The following TMEM178B variants were observed in gnomAD, a reference collection of about 807,000 sequenced individuals.
The protein encoded by TMEM178B is transmembrane protein 178B.
In TMEM178B, 5 loss-of-function variants were observed where a neutral mutation model predicts 31.0. The observed-to-expected ratio is 0.16, with a 90% confidence interval of 0.08 to 0.34. TMEM178B has a LOEUF of 0.34. TMEM178B is among the 10% of genes least tolerant of loss of function. The pLI, the probability that TMEM178B is intolerant of heterozygous loss-of-function variation, is 1.00. For missense variants in TMEM178B, 275 were observed against 400.3 expected (o/e 0.69, Z 2.67); for synonymous variants, 164 against 164.0 (o/e 1.00, Z 0.00).
rs927611474 is a variant in TMEM178B at position 141,257,417 on chromosome 7, C to A, written c.496+44713C>A. ...TGTTGACACAAAAAATCTGTAGGAT[C>A]TATGTTTCTGAATACTCAAATTCAA... On this transcript the variant is annotated intron_variant, in intron 2 of 3. Transcript: ENST00000565468. 3.3e-5 allele frequency among the ~76,000 whole-genome samples: 5 copies of A among 152,194 alleles called. No homozygotes were observed. The East Asian group carries it at 9.6e-4, about 29-fold the overall frequency.
Position 141,476,827 on chromosome 7 carries a change from C to T in TMEM178B, c.*6041C>T, listed in dbSNP as rs1297861830. On this transcript the variant is annotated 3_prime_UTR_variant, in exon 4 of 4. Transcript: ENST00000565468. ...CTTCAAGGGAAGGGAAGCCATTGCT[C>T]TCTCTGTAGATAGAGCCCAGCTGGT... The T allele has an allele frequency of 6.5e-6, 1 of 154,812 alleles. No homozygotes were observed. Among genetic ancestry groups the T allele is most frequent in the Non-Finnish European group, 1.5e-5 (1 of 68,236 alleles). 9.6% of individuals were successfully genotyped at this position (154,812 alleles called of 1,614,324 possible). A position where few individuals can be genotyped will look rare whatever the true frequency, so the allele number is the denominator to read the frequency against.
At chr7:141,316,347 T>C (rs2116466179) in intron 2 of TMEM178B, among the ~76,000 whole-genome samples, 1 of 152,340 alleles carries the variant, frequency 6.6e-6, no homozygotes, top group African/African-American at 2.4e-5. Flanking sequence ...TTCCGTTGTA[T>C]TAACTCACAG....
chr7:141,444,298 C>A (rs905317562), intron 3 of TMEM178B, among the ~76,000 whole-genome samples: 1 of 152,104 alleles, frequency 6.6e-6, no homozygotes, highest in African/African-American at 2.4e-5. Flanking sequence ...TAAGGTATCA[C>A]TAATGTCGGG....
At chr7:141,218,195 G>A (rs1303498575) in intron 2 of TMEM178B, among the ~76,000 whole-genome samples, 1 of 152,088 alleles carries the variant, frequency 6.6e-6, no homozygotes, top group Non-Finnish European at 1.5e-5. Context: ...ACAGCATTGG[G>A]GGTCCTCGCC....
Position 141,264,147 on chromosome 7 carries a change from A to G in TMEM178B, c.496+51443A>G, listed in dbSNP as rs9691927. Among the ~76,000 whole-genome samples, 839 of 152,242 alleles carry G rather than the reference A, an allele frequency of 5.5e-3. 10 individuals are homozygous for G. The highest frequency in any genetic ancestry group is 0.019 in the African/African-American group (791 of 41,524). ...AGGGTTCATTCCAGTCTCCAGTCCAATCTTCAGCTGGAGGTTGAGCTGACT... is the reference window on the plus strand; with the variant it reads ...AGGGTTCATTCCAGTCTCCAGTCCAGTCTTCAGCTGGAGGTTGAGCTGACT... On this transcript the variant is annotated intron_variant, in intron 2 of 3. Coordinates refer to ENST00000565468, the MANE Select transcript of TMEM178B (RefSeq NM_001195278.2).
intron 3 of TMEM178B, among the ~76,000 whole-genome samples, chr7:141,468,097 T>C (rs1802177424): frequency 1.3e-5 from 2 of 152,236 alleles, no homozygotes; most frequent in African/African-American, 4.8e-5. Flanking sequence ...TTTTCACATG[T>C]ACAATCCATT....
the TMEM178B span, among the ~76,000 whole-genome samples, chr7:141,506,752 C>G: frequency 1.3e-5 from 2 of 152,154 alleles, no homozygotes; most frequent in African/African-American, 4.8e-5. Flanking sequence ...TCAGCATTAA[C>G]CCAAAAGTCC....
chr7:141,220,085 C>T (rs1265603250), intron 2 of TMEM178B, among the ~76,000 whole-genome samples: 5 of 151,964 alleles, frequency 3.3e-5, no homozygotes, highest in Admixed American at 6.6e-5. Flanking sequence ...TTTGGGAGGC[C>T]GAGACAGCTG....
At chr7:141,233,829 C>G (rs1020137637) in intron 2 of TMEM178B, among the ~76,000 whole-genome samples, 11 of 152,214 alleles carry the variant, frequency 7.2e-5, no homozygotes, top group Non-Finnish European at 8.8e-5. Context: ...GTCCCTATCA[C>G]ATGAAATATT....
the TMEM178B span, among the ~76,000 whole-genome samples, chr7:141,510,414 G>A: frequency 3.9e-5 from 6 of 152,142 alleles, no homozygotes; most frequent in Non-Finnish European, 7.4e-5. Context: ...GGCCGGGCGC[G>A]GTGGCTCATG....
At chr7:141,089,667 A>G (rs1794846990) in intron 1 of TMEM178B, among the ~76,000 whole-genome samples, 1 of 152,240 alleles carries the variant, frequency 6.6e-6, no homozygotes, top group Non-Finnish European at 1.5e-5. Flanking sequence ...ACACCATGGA[A>G]TACTATGCAG....
At chr7:141,328,993 C>A (rs1799246781) in intron 2 of TMEM178B, among the ~76,000 whole-genome samples, 2 of 152,074 alleles carry the variant, frequency 1.3e-5, no homozygotes, top group African/African-American at 4.8e-5. Context: ...TCCTGATTGG[C>A]CTTCTTTATA....
chr7:141,355,583 G>A (rs544827501), intron 2 of TMEM178B, among the ~76,000 whole-genome samples: 2 of 152,326 alleles, frequency 1.3e-5, no homozygotes, highest in Admixed American at 6.5e-5. Context: ...CAATGCAGAT[G>A]GGCATTCAAC....
At chr7:141,245,519 G>C (rs564230018) in intron 2 of TMEM178B, among the ~76,000 whole-genome samples, 56 of 152,300 alleles carry the variant, frequency 3.7e-4, no homozygotes, top group Non-Finnish European at 7.2e-4. Flanking sequence ...AAAAGTCTCC[G>C]ATAGTCTGTT....
the TMEM178B span, among the ~76,000 whole-genome samples, chr7:141,508,927 ACAATGG>A: frequency 6.6e-6 from 1 of 152,216 alleles, no homozygotes; most frequent in African/African-American, 2.4e-5. Context: ...CTTCCGTGGG[ACAATGG>A]CAAGTGATGG....
intron 1 of TMEM178B, among the ~76,000 whole-genome samples, chr7:141,200,297 T>C (rs1444736441): frequency 6.6e-6 from 1 of 152,102 alleles, no homozygotes; most frequent in Non-Finnish European, 1.5e-5. Flanking sequence ...TTAAGGGAGC[T>C]GTGGAATGCA....
At chr7:141,423,689 T>G (rs1801257393) in intron 2 of TMEM178B, among the ~76,000 whole-genome samples, 2 of 152,222 alleles carry the variant, frequency 1.3e-5, no homozygotes, top group African/African-American at 4.8e-5. Flanking sequence ...AGTATTTGTT[T>G]GTTTGTTCTT....
chr7:141,458,454 C>A (rs1802004929), intron 3 of TMEM178B, among the ~76,000 whole-genome samples: 1 of 152,142 alleles, frequency 6.6e-6, no homozygotes, highest in Admixed American at 6.5e-5. Flanking sequence ...TGAGATCCTT[C>A]CAAGTTCCAT....
chr7:141,375,665 G>A (rs917473088), intron 2 of TMEM178B, among the ~76,000 whole-genome samples: 2 of 152,144 alleles, frequency 1.3e-5, no homozygotes, highest in Non-Finnish European at 2.9e-5. Context: ...ATAATTCTGG[G>A]TTATTGGAGG....
Sources: allele counts gnomAD v4.1 joint callset (sites outside exome capture counted in the v4.1 genomes callset), GRCh38; gene constraint gnomAD v4.1.1; transcripts MANE v1.5; gene names NCBI Gene and HGNC (gene_info 2026-07-23, HGNC 2026-07-21).